The following KDM5B variants were observed in gnomAD, a reference collection of about 807,000 sequenced individuals.
KDM5B encodes lysine demethylase 5B.
A neutral mutation model predicts 193.4 loss-of-function variants in KDM5B; 144 were observed. The ratio of observed to expected loss-of-function variants is 0.74; its 90% CI spans 0.65 to 0.86. The LOEUF is 0.86. Ranked by LOEUF, KDM5B falls within the 40% of genes least tolerant of loss-of-function variation. KDM5B has a pLI of 0.00. For missense variants in KDM5B, 1,833 were observed against 1,886.9 expected (o/e 0.97, Z 0.53); for synonymous variants, 668 against 682.6 (o/e 0.98, Z 0.33).
chr1:202,731,863 G>C lies in KDM5B; in HGVS notation c.3986C>G (p.Pro1329Arg), dbSNP rs747637706. The part of the protein sequence containing the change: ...WDNRTSYLHS[P>R]FSTGRSCIPL... ...GATACAACTTCGTCCAGTTGAGAAG[G>C]GGGAGTGCAAATATGAGGTTCTGTT... Residue 1329 changes from proline to arginine, a missense_variant, in exon 24 of 27, where the codon CCC (proline) becomes CGC (arginine). This residue lies in a region of KDM5B where 1,379 missense variants were observed against 1,349.6 expected (regional missense o/e 1.02). Transcript: ENST00000367265. 2.4e-5 allele frequency: 39 copies of C among 1,613,448 alleles called. No individual in the cohort carries two copies. Among genetic ancestry groups the C allele is most frequent in the Admixed American group, 1.0e-4 (6 of 59,948 alleles).
intron 8 of KDM5B, among the ~76,000 whole-genome samples, chr1:202,759,158 C>A (rs1656136162): frequency 6.6e-6 from 1 of 152,154 alleles, no homozygotes; most frequent in Non-Finnish European, 1.5e-5. Context: ...ACCTTTATAG[C>A]CATGCTATAC....
chr1:202,766,367 G>A (rs899420406), intron 5 of KDM5B: 13 of 318,676 alleles, frequency 4.1e-5, no homozygotes, highest in African/African-American at 1.8e-4. Flanking sequence ...TTAGCCGGGC[G>A]TGGTGGCACA....
intron 4 of KDM5B, among the ~76,000 whole-genome samples, chr1:202,768,717 C>CT (rs11450747): frequency 0.38 from 50,055 of 130,378 alleles, 11,673 homozygotes; most frequent in Non-Finnish European, 0.51. Context: ...GTTAACTATT[C>CT]TTTTTTTTTT....
chr1:202,737,098 C>T (rs1022277741), intron 20 of KDM5B, among the ~76,000 whole-genome samples: 25 of 152,128 alleles, frequency 1.6e-4, no homozygotes, highest in African/African-American at 4.3e-4. Context: ...TTTGTAGTAA[C>T]TCAAGACTTT....
intron 4 of KDM5B, 93 bp from the exon 5 acceptor site, chr1:202,767,153 G>A (rs770003049): frequency 2.0e-5 from 32 of 1,575,100 alleles, no homozygotes; most frequent in East Asian, 1.8e-4. Context: ...ACATGAGTTC[G>A]AGTTTGATCT....
intron 1 of KDM5B, among the ~76,000 whole-genome samples, chr1:202,790,347 C>T (rs1049916781): frequency 6.6e-6 from 1 of 152,144 alleles, no homozygotes; most frequent in African/African-American, 2.4e-5. Flanking sequence ...GGAGGCCAAC[C>T]AAGTGGATTG....
chr1:202,800,147 G>A (rs984952551), intron 1 of KDM5B, among the ~76,000 whole-genome samples: 1 of 151,774 alleles, frequency 6.6e-6, no homozygotes, highest in African/African-American at 2.4e-5. Context: ...AGGTTCAAGT[G>A]ATTCTCATGC....
chr1:202,756,440 T>C lies in KDM5B; in HGVS notation c.1274A>G (p.Tyr425Cys). ...STIEEDVTVE[Y>C]GADIASKEFG... ...TTCCTTTGAGGCAATGTCAGCTCCATATTCCACTGTGACATCCTCCTCAAT... is the reference window on the plus strand; with the variant it reads ...TTCCTTTGAGGCAATGTCAGCTCCACATTCCACTGTGACATCCTCCTCAAT... Residue 425 changes from tyrosine (Y) to cysteine (C), a missense_variant, in exon 10 of 27, where the codon TAT becomes TGT. Transcript: ENST00000367265. 1 of 1,613,686 alleles carries C rather than the reference T, an allele frequency of 6.2e-7. No homozygotes were observed. The highest frequency in any genetic ancestry group is 8.5e-7 in the Non-Finnish European group (1 of 1,179,694).
rs528966938 is a variant in KDM5B, at chr1:202,767,860, C to T, written c.577-800G>A. On this transcript the variant is annotated intron_variant, in intron 4 of 26. Transcript: ENST00000367265. ...TGGAAGGTCCATATTGTTAGAAAGG[C>T]CCCTTATAAGCTCCCAAAACAATTT... 6.2e-4 allele frequency among the ~76,000 whole-genome samples: 95 copies of T among 152,158 alleles called. 1 individual carries two copies. The highest frequency in any genetic ancestry group is 3.7e-3 in the South Asian group (18 of 4,820).
At position 202,733,538 on chromosome 1, in the gene KDM5B, T is replaced by C; in HGVS notation, c.3772A>G (p.Arg1258Gly). Residue 1258 changes from arginine to glycine, a missense_variant, in exon 23 of 27, where the codon AGA becomes GGA. This residue lies in a region of KDM5B where 1,379 missense variants were observed against 1,349.6 expected (regional missense o/e 1.02). Coordinates refer to ENST00000367265, the MANE Select transcript of KDM5B (RefSeq NM_006618.5). The part of the protein sequence containing the change: ...EGDALRYMIE[R>G]TVNWQHRAQQ... ...GCTCTGTGCTGCCAGTTCACGGTTC[T>C]TTCAATCATATATCGAAGTGCATCT... is the stretch of plus-strand genomic sequence containing the variant. The C allele has an allele frequency of 2.5e-6, 4 of 1,614,194 alleles. No individual in the cohort carries two copies. Among genetic ancestry groups the C allele is most frequent in the Non-Finnish European group, 3.4e-6 (4 of 1,180,020 alleles).
At position 202,731,835 on chromosome 1, in the gene KDM5B, G is replaced by A. The variant is rs756538843; in HGVS notation, c.4014C>T (p.Pro1338=). The A allele has an allele frequency of 1.2e-6, 2 of 1,603,252 alleles. No individual in the cohort carries two copies. Among genetic ancestry groups the A allele is most frequent in the Non-Finnish European group, 1.7e-6 (2 of 1,170,194 alleles). Residue 1338 remains proline (P), a synonymous_variant, in exon 24 of 27, where the codon CCC becomes CCT. Coordinates refer to ENST00000367265, the MANE Select transcript of KDM5B (RefSeq NM_006618.5). ...SPFSTGRSCI[P]LHGVSPEVNE... The stretch of plus-strand genomic sequence containing the variant: ...TAATAACAAAATACAAACCATGGAG[G>A]GGGATACAACTTCGTCCAGTTGAGA...
At chr1:202,760,639 AG>A in intron 7 of KDM5B, 66 bp from the exon 8 acceptor site, 1 of 1,238,748 alleles carries the variant, frequency 8.1e-7, no homozygotes, top group Non-Finnish European at 1.1e-6. Context: ...CTAAAATTCT[AG>A]AAATGAAATG....
At chr1:202,749,847 T>C (rs10494838) in intron 13 of KDM5B, among the ~76,000 whole-genome samples, 6,453 of 152,294 alleles carry the variant, frequency 0.042, 347 homozygotes, top group East Asian at 0.25. Flanking sequence ...AGTATAGATA[T>C]AGCAAGTGCC....
In KDM5B at chr1:202,724,574, G is replaced by C. The variant is rs1479883786; in HGVS notation, c.*4462C>G. The C allele has an allele frequency of 6.6e-6, 1 of 152,178 alleles. No homozygotes were observed. Among genetic ancestry groups the C allele is most frequent in the African/African-American group, 2.4e-5 (1 of 41,436 alleles). The allele number at this position is 152,178 out of a possible 1,614,324, so 9.4% of individuals were successfully genotyped here. ...ATAGATAATGCATTATGGCTATTAT[G>C]AATGAAGGCCCTCATCCCCAAACTA... is the stretch of plus-strand genomic sequence containing the variant. On this transcript the variant is annotated 3_prime_UTR_variant, in exon 27 of 27. Transcript: ENST00000367265.
chr1:202,731,743 G>A (rs1271446864), intron 24 of KDM5B, 85 bp downstream of exon 24: 17 of 1,009,592 alleles, frequency 1.7e-5, no homozygotes, highest in Non-Finnish European at 2.3e-5. Context: ...TCCTTTTTAT[G>A]GTACTTGATC....
chr1:202,778,890 G>A (rs760515107), intron 1 of KDM5B, among the ~76,000 whole-genome samples: 10 of 152,042 alleles, frequency 6.6e-5, no homozygotes, highest in Non-Finnish European at 8.8e-5. Context: ...CCAAAGTGCC[G>A]GGATTACAAG....
Position 202,736,434 on chromosome 1 carries a change from C to G in KDM5B, c.3085-42G>C, listed in dbSNP as rs55802892. ...AATTACAGCAGTTTAGAGAAAAGAA[C>G]ACTTCTATGAAAAACAGGAAAAGCT... On this transcript the variant is annotated intron_variant, in intron 20 of 26. Coordinates refer to ENST00000367265, the MANE Select transcript of KDM5B (RefSeq NM_006618.5). 4.5e-3 allele frequency: 6,496 copies of G among 1,449,318 alleles called. 22 individuals are homozygous for G. Among genetic ancestry groups the G allele is most frequent in the Non-Finnish European group, 4.9e-3 (5,319 of 1,081,238 alleles). 89.8% of individuals were successfully genotyped at this position (1,449,318 alleles called of 1,614,324 possible).
In KDM5B at chr1:202,740,598, T is replaced by TCC; in HGVS notation, c.3084+74_3084+75dup. ...CGGGTCGGGGGCTGACCCCCCCACC[T>TCC]CCCTCCCGGACGGGGCGCCAATATT... On this transcript the variant is annotated intron_variant, in intron 20 of 26. Coordinates refer to ENST00000367265, the MANE Select transcript of KDM5B (RefSeq NM_006618.5). The TCC allele has an allele frequency of 3.0e-6, 4 of 1,344,348 alleles. No homozygotes were observed. The South Asian group carries it at 5.9e-5, about 20-fold the overall frequency. The allele number at this position is 1,344,348 out of a possible 1,614,324, so 83.3% of individuals were successfully genotyped here.
chr1:202,768,287 C>G (rs1348615663), intron 4 of KDM5B, among the ~76,000 whole-genome samples: 18 of 152,134 alleles, frequency 1.2e-4, no homozygotes, highest in Admixed American at 1.2e-3. Flanking sequence ...CAGGTAAGCA[C>G]TACTTTTTCA....
Sources: allele counts gnomAD v4.1 joint callset (sites outside exome capture counted in the v4.1 genomes callset), GRCh38; gene constraint gnomAD v4.1.1; regional missense constraint gnomAD v4.1.1; transcripts MANE v1.5; gene names NCBI Gene and HGNC (gene_info 2026-07-23, HGNC 2026-07-21).